The following MACROD2 variants were observed in gnomAD, a reference collection of about 807,000 sequenced individuals.
MACROD2 encodes the protein mono-ADP ribosylhydrolase 2, also known as ADP-ribose glycohydrolase MACROD2.
In MACROD2, 36 loss-of-function variants were observed where a neutral mutation model predicts 70.4. That is an observed-to-expected ratio of 0.51 (90% confidence interval 0.39 to 0.68). The LOEUF is 0.68. MACROD2 is among the 30% of genes least tolerant of loss of function. The pLI, the probability that MACROD2 is intolerant of heterozygous loss-of-function variation, is 0.00. For missense variants in MACROD2, 496 were observed against 538.4 expected, an observed-to-expected ratio of 0.92 and a Z score of 0.78; for synonymous variants, 172 against 178.8, an observed-to-expected ratio of 0.96 and a Z score of 0.30.
At chr20:14,357,698 G>T (rs1367901601) in intron 3 of MACROD2, among the ~76,000 whole-genome samples, 1 of 152,220 alleles carries the variant, frequency 6.6e-6, no homozygotes, top group Non-Finnish European at 1.5e-5. Context: ...ACTCTGGGTT[G>T]CAAACAACTG....
At chr20:14,136,982 A>G (rs1035712663) in intron 3 of MACROD2, among the ~76,000 whole-genome samples, 1 of 152,178 alleles carries the variant, frequency 6.6e-6, no homozygotes, top group African/African-American at 2.4e-5. Flanking sequence ...CTAGCCACAT[A>G]TAGCTATTGA....
At chr20:14,460,562 G>C (rs1377593477) in intron 3 of MACROD2, among the ~76,000 whole-genome samples, 1 of 151,994 alleles carries the variant, frequency 6.6e-6, no homozygotes, top group Non-Finnish European at 1.5e-5. Flanking sequence ...CTGTGGGTTT[G>C]TCATAAATAA....
intron 5 of MACROD2, among the ~76,000 whole-genome samples, chr20:14,774,716 TA>T (rs2123776039): frequency 6.6e-6 from 1 of 152,208 alleles, no homozygotes; most frequent in Non-Finnish European, 1.5e-5. Flanking sequence ...AAATGTTCTA[TA>T]AATGAGTAAG....
intron 4 of MACROD2, among the ~76,000 whole-genome samples, chr20:14,517,909 T>C (rs1202860506): frequency 6.6e-6 from 1 of 152,118 alleles, no homozygotes; most frequent in African/African-American, 2.4e-5. Context: ...TCATGCTATT[T>C]GGTTATGATG....
chr20:14,948,063 GTCA>G (rs1282703381), intron 5 of MACROD2, among the ~76,000 whole-genome samples: 1 of 152,168 alleles, frequency 6.6e-6, no homozygotes, highest in African/African-American at 2.4e-5. Flanking sequence ...TCAGAGGACT[GTCA>G]TCAGCTGCCT....
intron 8 of MACROD2, among the ~76,000 whole-genome samples, chr20:15,787,323 T>C (rs1188733737): frequency 1.3e-5 from 2 of 152,216 alleles, no homozygotes; most frequent in Admixed American, 6.5e-5. Flanking sequence ...TTTCAACTTG[T>C]ATTTTAGATT....
chr20:15,876,296 G>A (rs1302174171), intron 9 of MACROD2, among the ~76,000 whole-genome samples: 1 of 151,738 alleles, frequency 6.6e-6, no homozygotes, highest in African/African-American at 2.4e-5. Flanking sequence ...CCCAGTGTGT[G>A]ATGTTCCCTT....
chr20:14,903,996 A>T (rs1469793253), intron 5 of MACROD2, among the ~76,000 whole-genome samples: 1 of 152,210 alleles, frequency 6.6e-6, no homozygotes, highest in African/African-American at 2.4e-5. Flanking sequence ...AGTCCAACTG[A>T]GTGCCCAGAA....
rs897457382 is a variant in MACROD2 at position 14,859,089 on chromosome 20, G to T, written c.418+174130G>T. ...GGGGACTCAAGGGGAAGGTTGGGAG[G>T]GGGGTGAGCGGTAAAAGACTACATA... On this transcript the variant is annotated intron_variant, in intron 5 of 17. Coordinates refer to ENST00000684519, the MANE Select transcript of MACROD2 (RefSeq NM_001351661.2). 3.3e-5 allele frequency among the ~76,000 whole-genome samples: 5 copies of T among 151,742 alleles called. No individual in the cohort carries two copies. In the South Asian group the frequency reaches 6.2e-4, roughly 19 times the overall value.
At chr20:15,839,080 A>G (rs1422667950) in intron 8 of MACROD2, among the ~76,000 whole-genome samples, 1 of 152,148 alleles carries the variant, frequency 6.6e-6, no homozygotes, top group Admixed American at 6.5e-5. Context: ...CTCATTCTAC[A>G]TGTAGAATTC....
intron 5 of MACROD2, among the ~76,000 whole-genome samples, chr20:15,111,608 A>G (rs995847399): frequency 1.3e-5 from 2 of 152,218 alleles, no homozygotes; most frequent in African/African-American, 4.8e-5. Flanking sequence ...TTCTGGGTCT[A>G]GAATATGTTT....
At chr20:14,956,228 G>T (rs557511547) in intron 5 of MACROD2, among the ~76,000 whole-genome samples, 6 of 152,104 alleles carry the variant, frequency 3.9e-5, no homozygotes, top group Non-Finnish European at 7.4e-5. Flanking sequence ...ATTTAACATG[G>T]CAGGTGGTGA....
chr20:15,063,527 TA>T (rs1218642227), intron 5 of MACROD2, among the ~76,000 whole-genome samples: 1 of 152,200 alleles, frequency 6.6e-6, no homozygotes, highest in Admixed American at 6.5e-5. Flanking sequence ...GCTCATATTT[TA>T]AATGACGTTC....
chr20:15,922,844 A>G (rs1225465145), intron 10 of MACROD2, among the ~76,000 whole-genome samples: 2 of 152,258 alleles, frequency 1.3e-5, no homozygotes, highest in Non-Finnish European at 2.9e-5. Flanking sequence ...AATGTCCAGA[A>G]CAGAGGGAGC....
rs112017047 is a variant in MACROD2 at position 15,385,175 on chromosome 20, A to G, written c.541-46230A>G. Among the ~76,000 whole-genome samples the G allele has an allele frequency of 1.0e-3, 154 of 152,294 alleles. 1 individual carries two copies. Among genetic ancestry groups the G allele is most frequent in the African/African-American group, 3.6e-3 (148 of 41,560 alleles). On this transcript the variant is annotated intron_variant, in intron 6 of 17. Coordinates refer to ENST00000684519, the MANE Select transcript of MACROD2 (RefSeq NM_001351661.2). ...AAGGAGGGCAGAGAACATGGTATCTACACATGGCAGATTCAAGTTCATGCA... is the reference window on the plus strand; with the variant it reads ...AAGGAGGGCAGAGAACATGGTATCTGCACATGGCAGATTCAAGTTCATGCA...
At chr20:15,764,231 T>A (rs1289677755) in intron 8 of MACROD2, among the ~76,000 whole-genome samples, 1 of 152,230 alleles carries the variant, frequency 6.6e-6, no homozygotes, top group Admixed American at 6.5e-5. Context: ...GAAGTTCTTC[T>A]ATGTCTTCTA....
chr20:15,506,630 A>G (rs2047429319), intron 8 of MACROD2, among the ~76,000 whole-genome samples: 1 of 152,212 alleles, frequency 6.6e-6, no homozygotes, highest in South Asian at 2.1e-4. Flanking sequence ...CTGACATGAA[A>G]CGCCTTAGGA....
intron 3 of MACROD2, among the ~76,000 whole-genome samples, chr20:14,380,043 T>G (rs911415372): frequency 6.6e-6 from 1 of 152,144 alleles, no homozygotes; most frequent in East Asian, 1.9e-4. Flanking sequence ...ACATTTTCTA[T>G]AGTGGCTGTA....
intron 8 of MACROD2, among the ~76,000 whole-genome samples, chr20:15,793,397 G>A (rs1357985310): frequency 6.6e-6 from 1 of 152,134 alleles, no homozygotes; most frequent in Admixed American, 6.6e-5. Context: ...TCTATGGAGA[G>A]GAACTAGGCT....
Sources: allele counts gnomAD v4.1 joint callset (sites outside exome capture counted in the v4.1 genomes callset), GRCh38; gene constraint gnomAD v4.1.1; transcripts MANE v1.5; gene names NCBI Gene and HGNC (gene_info 2026-07-23, HGNC 2026-07-21).